Variants in SP6 observed in about 807,000 individuals in gnomAD.
The protein encoded by SP6 is Sp6 transcription factor.
A neutral mutation model predicts 23.4 loss-of-function variants in SP6; 10 were observed. The ratio of observed to expected loss-of-function variants is 0.43; its 90% confidence interval spans 0.26 to 0.72. SP6 has a LOEUF of 0.72. Ranked by LOEUF, SP6 falls within the 30% of genes least tolerant of loss-of-function variation. The pLI is 0.23. For synonymous variants in SP6, 238 were observed against 238.7 expected (o/e 1.00, Z 0.03); for missense variants, 482 against 523.8 (o/e 0.92, Z 0.78).
the SP6 span, among the ~76,000 whole-genome samples, chr17:47,875,049 G>C: frequency 2.0e-5 from 3 of 151,990 alleles, no homozygotes; most frequent in South Asian, 4.2e-4. Context: ...CCACCACCAG[G>C]GGGGCAGCTT....
the SP6 span, among the ~76,000 whole-genome samples, chr17:47,867,249 T>C: frequency 6.6e-6 from 1 of 151,970 alleles, no homozygotes; most frequent in Non-Finnish European, 1.5e-5. Context: ...GCTCAGGGAA[T>C]GACATTTCCC....
upstream of SP6, among the ~76,000 whole-genome samples, chr17:47,854,894 T>G (rs1404215038): frequency 6.6e-6 from 1 of 152,154 alleles, no homozygotes; most frequent in Non-Finnish European, 1.5e-5. Context: ...ACCTTCGGGC[T>G]GCACTTCCAA....
chr17:47,852,034 GC>G (rs1203711662), upstream of SP6, among the ~76,000 whole-genome samples: 2 of 151,806 alleles, frequency 1.3e-5, no homozygotes, highest in African/African-American at 2.4e-5. Flanking sequence ...GCACACCCTC[GC>G]CCCCGAGCAC....
upstream of SP6, among the ~76,000 whole-genome samples, chr17:47,859,574 G>A (rs1389438730): frequency 6.6e-6 from 1 of 152,222 alleles, no homozygotes; most frequent in Non-Finnish European, 1.5e-5. Context: ...CCACAGCTGA[G>A]TGAATTAGAG....
At chr17:47,855,433 C>T (rs1024997105), upstream of SP6, among the ~76,000 whole-genome samples, 1 of 152,128 alleles carries the variant, frequency 6.6e-6, no homozygotes, top group Non-Finnish European at 1.5e-5. Context: ...GCTATGAATC[C>T]CTACCCCACT....
At chr17:47,872,573 A>G in the SP6 span, among the ~76,000 whole-genome samples, 1 of 152,080 alleles carries the variant, frequency 6.6e-6, no homozygotes, top group Non-Finnish European at 1.5e-5. Flanking sequence ...GTCCCCACAA[A>G]TGAGAGGCCC....
chr17:47,867,056 C>T, the SP6 span, among the ~76,000 whole-genome samples: 3 of 152,128 alleles, frequency 2.0e-5, no homozygotes, highest in Admixed American at 2.0e-4. Flanking sequence ...CGAGGTTGTG[C>T]GGCCGGCTGG....
chr17:47,861,223 T>C, the SP6 span, among the ~76,000 whole-genome samples: 1 of 152,084 alleles, frequency 6.6e-6, no homozygotes, highest in African/African-American at 2.4e-5. Flanking sequence ...GTGTGGCCCG[T>C]AGGTTATTAC....
At chr17:47,853,293 T>G (rs2033975379), upstream of SP6, among the ~76,000 whole-genome samples, 1 of 152,204 alleles carries the variant, frequency 6.6e-6, no homozygotes, top group South Asian at 2.1e-4. Context: ...TGACAATCAA[T>G]CCTCTTCATC....
the SP6 span, among the ~76,000 whole-genome samples, chr17:47,861,042 C>A: frequency 1.6e-4 from 25 of 152,216 alleles, no homozygotes; most frequent in Non-Finnish European, 3.4e-4. Flanking sequence ...CGGAATCAGG[C>A]GGGTAGGGGG....
chr17:47,856,589 T>C (rs1383426931), upstream of SP6, among the ~76,000 whole-genome samples: 1 of 152,282 alleles, frequency 6.6e-6, no homozygotes, highest in South Asian at 2.1e-4. Flanking sequence ...GTTGTAAGTT[T>C]AGGTATACTG....
chr17:47,868,200 G>A, the SP6 span, among the ~76,000 whole-genome samples: 1 of 152,086 alleles, frequency 6.6e-6, no homozygotes. Flanking sequence ...AAACACTCCC[G>A]GGATCCCCTT....
At chr17:47,866,548 GT>G in the SP6 span, among the ~76,000 whole-genome samples, 1 of 152,204 alleles carries the variant, frequency 6.6e-6, no homozygotes, top group African/African-American at 2.4e-5. Flanking sequence ...TGGAAACCTA[GT>G]TTTAAGCCAG....
Position 47,848,591 on chromosome 17 carries a change from T to C in SP6, c.-57-105A>G. The C allele has an allele frequency of 1.6e-6, 1 of 637,776 alleles. No homozygotes were observed. The highest frequency in any genetic ancestry group is 2.7e-6 in the Non-Finnish European group (1 of 372,606). 39.5% of individuals were successfully genotyped at this position (637,776 alleles called of 1,614,324 possible). On this transcript the variant is annotated intron_variant, in intron 1 of 1. Transcript: ENST00000536300. The surrounding 1 kb of genome is among the most constrained non-coding windows in gnomAD (Gnocchi z 5.3). ...CCCAGGTGTAAAAGAAGGATGCACC[T>C]CTGAACGAGGACTAGAGATGAGTTT...
the SP6 span, among the ~76,000 whole-genome samples, chr17:47,867,905 C>T: frequency 6.6e-6 from 1 of 152,218 alleles, no homozygotes; most frequent in African/African-American, 2.4e-5. Context: ...CACAGCCACA[C>T]TGCCTGTGTG....
Position 47,847,313 on chromosome 17 carries a change from C to A in SP6, c.1117G>T (p.Ala373Ser). 6.4e-7 allele frequency: 1 copy of A among 1,553,932 alleles called. No individual in the cohort carries two copies. Among genetic ancestry groups the A allele is most frequent in the Non-Finnish European group, 8.7e-7 (1 of 1,148,950 alleles). ...KGKREAEGSV[A>S]PSN Reference sequence around the variant, plus strand: ...CACTGAGGAGCTCAGTTGGAGGGAGCCACGCTGCCCTCGGCCTCGCGTTTG... The same window carrying A: ...CACTGAGGAGCTCAGTTGGAGGGAGACACGCTGCCCTCGGCCTCGCGTTTG... The change falls in exon 2 of 2, where the codon GCT becomes TCT. Residue 373 changes from alanine (A) to serine (S), a missense_variant. By Grantham distance (99) the Ala-to-Ser change is moderately conservative. Coordinates refer to ENST00000536300, the MANE Select transcript of SP6 (RefSeq NM_001258248.2).
the SP6 span, among the ~76,000 whole-genome samples, chr17:47,867,955 G>T: frequency 6.6e-6 from 1 of 151,954 alleles, no homozygotes; most frequent in African/African-American, 2.4e-5. Context: ...AGTTCCTCCC[G>T]AACAGAGCAT....
At chr17:47,863,719 C>T in the SP6 span, among the ~76,000 whole-genome samples, 1 of 150,654 alleles carries the variant, frequency 6.6e-6, no homozygotes, top group Non-Finnish European at 1.5e-5. Flanking sequence ...CAGGCATGTG[C>T]CACCACGCCT....
At chr17:47,872,776 C>G in the SP6 span, among the ~76,000 whole-genome samples, 1 of 151,776 alleles carries the variant, frequency 6.6e-6, no homozygotes, top group Non-Finnish European at 1.5e-5. Context: ...CTGGGTTACC[C>G]TTAGAGGAGG....
Sources: gnomAD v4.1 joint callset for allele counts (sites outside exome capture counted in the v4.1 genomes callset) on GRCh38, gnomAD v4.1.1 for gene constraint, Gnocchi (gnomAD v3.1) non-coding constraint, MANE v1.5 for transcripts, NCBI Gene and HGNC (gene_info 2026-07-23, HGNC 2026-07-21) for gene names.